Variants in FGD2 observed in about 807,000 individuals in gnomAD.
The protein encoded by FGD2 is FYVE, RhoGEF and PH domain-containing protein 2.
FGD2 carries 52 observed loss-of-function variants against 75.9 expected under a neutral mutation model. The ratio of observed to expected loss-of-function variants is 0.69; its 90% CI spans 0.55 to 0.86. FGD2 has a LOEUF of 0.86. Among genes scored for constraint, FGD2 ranks in the 40% least tolerant of loss-of-function variants. The pLI, the probability that FGD2 is intolerant of heterozygous loss-of-function variation, is 0.00. For synonymous variants in FGD2, 347 were observed against 348.6 expected (o/e 1.00, Z 0.05); for missense variants, 790 against 872.0 (o/e 0.91, Z 1.18).
chr6:37,016,152 G>A (rs189222560), intron 9 of FGD2, among the ~76,000 whole-genome samples: 48 of 152,278 alleles, frequency 3.2e-4, no homozygotes, highest in Admixed American at 3.0e-3. Flanking sequence ...ACTTTCATGT[G>A]TGCGCGAATC....
intron 2 of FGD2, 106 bp from the exon 3 acceptor site, chr6:37,010,867 C>A: frequency 9.2e-7 from 1 of 1,092,858 alleles, no homozygotes. Context: ...TCCCGGGAGG[C>A]ATGCTTCACT....
chr6:37,009,663 A>T (rs1764914805), intron 2 of FGD2: 1 of 152,178 alleles, frequency 6.6e-6, no homozygotes, highest in Admixed American at 6.6e-5. Context: ...TAAAATGGGG[A>T]TAGTGGTTAT....
At position 37,022,281 on chromosome 6, in the gene FGD2, C is replaced by T. The variant is rs780569281; in HGVS notation, c.1369C>T (p.Arg457Trp). The change falls in exon 13 of 16, where the codon CGG (arginine) becomes TGG (tryptophan). Residue 457 changes from arginine to tryptophan, a missense_variant. Transcript: ENST00000274963. Reference protein sequence around the residue: ...ELGLRAPQWVRDKMVTMCMRC... With the variant: ...ELGLRAPQWVWDKMVTMCMRC... The stretch of plus-strand genomic sequence containing the variant: ...GGGCCTCCGGGCACCGCAGTGGGTC[C>T]GGGACAAGATGGTGACCATGTGCAT... The T allele has an allele frequency of 8.8e-6, 14 of 1,590,894 alleles. No individual in the cohort carries two copies. The highest frequency in any genetic ancestry group is 3.4e-5 in the South Asian group (3 of 88,848).
intron 2 of FGD2, 77 bp downstream of exon 2, chr6:37,009,142 C>A: frequency 7.1e-7 from 1 of 1,399,848 alleles, no homozygotes. Flanking sequence ...CACATGCTTT[C>A]CTAGCCAGAG....
At position 37,013,622 on chromosome 6, in the gene FGD2, C is replaced by T. The variant is rs151050710; in HGVS notation, c.541C>T (p.Arg181Cys). 5.6e-6 allele frequency: 9 copies of T among 1,613,744 alleles called. No homozygotes were observed. The East Asian group carries it at 6.7e-5, about 12-fold the overall frequency. Residue 181 changes from arginine to cysteine, a missense_variant, in exon 5 of 16, where the codon CGC becomes TGC. Arg to Cys is a radical substitution (Grantham distance 180). Transcript: ENST00000274963. ...RRLDDWTANPRIGDVIQKLAP... is the reference protein window; with the variant it reads ...RRLDDWTANPCIGDVIQKLAP... The stretch of plus-strand genomic sequence containing the variant: ...CCCCTCCTGCAGGACAGCTAACCCC[C>T]GCATCGGTGACGTGATCCAGAAGCT...
rs752186227 is a variant in FGD2 at position 37,020,692 on chromosome 6, G to A, written c.1203-17G>A. On this transcript the variant is annotated splice_polypyrimidine_tract_variant and intron_variant, in intron 10 of 15. Coordinates refer to ENST00000274963, the MANE Select transcript of FGD2 (RefSeq NM_173558.4). ...AGGGGCTGATCTCCTCAACACCTGT[G>A]TTCACTTTCCGAGCAGGTCCCAGGA... 34 of 1,575,926 alleles carry A rather than the reference G, an allele frequency of 2.2e-5. No homozygotes were observed. Among genetic ancestry groups the A allele is most frequent in the Admixed American group, 3.7e-5 (2 of 54,480 alleles).
intron 2 of FGD2, among the ~76,000 whole-genome samples, chr6:37,010,253 G>C (rs1764943578): frequency 6.6e-6 from 1 of 152,120 alleles, no homozygotes; most frequent in Admixed American, 6.5e-5. Context: ...TTTCTGGGGA[G>C]GTCTCTGTTC....
chr6:37,028,615 C>CT lies in FGD2; in HGVS notation c.*469dup, dbSNP rs386406733. 8.9e-4 allele frequency: 70 copies of CT among 79,020 alleles called. 7 individuals carry two copies. The highest frequency in any genetic ancestry group is 1.4e-3 in the Non-Finnish European group (61 of 44,270). The allele number at this position is 79,020 out of a possible 1,614,324, so 4.9% of individuals were successfully genotyped here. A position where few individuals can be genotyped will look rare whatever the true frequency, so the allele number is the denominator to read the frequency against. On this transcript the variant is annotated 3_prime_UTR_variant, in exon 16 of 16. Coordinates refer to ENST00000274963, the MANE Select transcript of FGD2 (RefSeq NM_173558.4). ...GGCTGAGTTGGGGGAGGCATGGGGT[C>CT]TTTTTTTTTTTTTTTTTGAGACAGA...
rs751341493 is a variant in FGD2, at chr6:37,027,549, G to A, written c.1726G>A (p.Val576Met). Reference sequence around the variant, plus strand: ...TGTGATCCCTCGGGATGACCCCCTCGTGCTCTATGTCTATGCTGCCCCTCA... The same window carrying A: ...TGTGATCCCTCGGGATGACCCCCTCATGCTCTATGTCTATGCTGCCCCTCA... ...WCVIPRDDPL[V>M]LYVYAAPQDM... Residue 576 changes from valine (V) to methionine (M), a missense_variant, in exon 15 of 16, where the codon GTG (valine) becomes ATG (methionine). Val to Met is a conservative substitution (Grantham distance 21). Coordinates refer to ENST00000274963, the MANE Select transcript of FGD2 (RefSeq NM_173558.4). The A allele has an allele frequency of 5.0e-6, 8 of 1,613,958 alleles. No homozygotes were observed. In the Admixed American group the frequency reaches 5.0e-5, roughly 10 times the overall value.
At position 37,014,701 on chromosome 6, in the gene FGD2, G is replaced by C. The variant is rs147148066; in HGVS notation, c.879G>C (p.Glu293Asp). The change falls in exon 7 of 16, where the codon GAG becomes GAC. Residue 293 changes from glutamate (E) to aspartate (D), a missense_variant. Coordinates refer to ENST00000274963, the MANE Select transcript of FGD2 (RefSeq NM_173558.4). ...AGCACTCCAATGCAGCCATCACTGA[G>C]ATGGTAAGCAGCCCGCCCTCTCCTG... ...AAQHSNAAIT[E>D]MERLQDLWEV... 1.6e-3 allele frequency: 2,603 copies of C among 1,614,030 alleles called. 4 individuals carry two copies. The highest frequency in any genetic ancestry group is 2.1e-3 in the Non-Finnish European group (2,431 of 1,179,980).
At chr6:37,017,053 C>T (rs1255946580) in intron 9 of FGD2, among the ~76,000 whole-genome samples, 1 of 151,966 alleles carries the variant, frequency 6.6e-6, no homozygotes, top group Non-Finnish European at 1.5e-5. Context: ...GGATTGTTTC[C>T]TCATTTATGC....
chr6:37,013,506 A>T (rs1765123582), intron 4 of FGD2, 103 bp from the exon 5 acceptor site: 1 of 1,513,348 alleles, frequency 6.6e-7, no homozygotes, highest in African/African-American at 1.4e-5. Context: ...ATTGCCGTGG[A>T]AAGTTTGCTT....
intron 2 of FGD2, chr6:37,009,309 T>G: frequency 2.1e-6 from 1 of 470,490 alleles, no homozygotes; most frequent in East Asian, 3.8e-5. Context: ...GACAAGGAAG[T>G]TGAAACACAG....
At chr6:37,013,932 C>T (rs1765150093) in intron 5 of FGD2, 30 bp from the exon 6 acceptor site, 1 of 1,608,080 alleles carries the variant, frequency 6.2e-7, no homozygotes, top group South Asian at 1.1e-5. Context: ...CTCTCACCCT[C>T]TCCGTGTTGC....
At position 37,011,069 on chromosome 6, in the gene FGD2, C is replaced by T. The variant is rs746339169; in HGVS notation, c.378+19C>T. ...AGACCAGGCCAGTGACCAGGACACC[C>T]CCCTCTAGAGCCCCAGCCCTGGGTC... On this transcript the variant is annotated intron_variant, in intron 3 of 15. Transcript: ENST00000274963. 2 of 1,612,964 alleles carry T rather than the reference C, an allele frequency of 1.2e-6. No individual in the cohort carries two copies. Among genetic ancestry groups the T allele is most frequent in the Non-Finnish European group, 1.7e-6 (2 of 1,179,024 alleles).
At chr6:37,010,326 G>C (rs1265334116) in intron 2 of FGD2, among the ~76,000 whole-genome samples, 1 of 152,146 alleles carries the variant, frequency 6.6e-6, no homozygotes, top group Admixed American at 6.5e-5. Flanking sequence ...GTCATCCCTG[G>C]TGTGTCTTCC....
intron 14 of FGD2, among the ~76,000 whole-genome samples, chr6:37,026,822 A>G (rs1256977206): frequency 6.6e-6 from 1 of 151,664 alleles, no homozygotes; most frequent in Non-Finnish European, 1.5e-5. Context: ...CCACATGGTG[A>G]AGTCCCGTCT....
intron 13 of FGD2, 144 bp downstream of exon 13, chr6:37,022,514 C>A: frequency 8.6e-7 from 1 of 1,168,074 alleles, no homozygotes; most frequent in Non-Finnish European, 1.1e-6. Context: ...CCATCTGTGT[C>A]ACCTCCACCT....
At position 37,013,676 on chromosome 6, in the gene FGD2, T is replaced by C; in HGVS notation, c.595T>C (p.Tyr199His). Residue 199 changes from tyrosine to histidine, a missense_variant, in exon 5 of 16, where the codon TAT (tyrosine) becomes CAT (histidine). By Grantham distance (83) the Tyr-to-His change is moderately conservative. Coordinates refer to ENST00000274963, the MANE Select transcript of FGD2 (RefSeq NM_173558.4). Reference sequence around the variant, plus strand: ...CCCCTTCCTGAAGATGTACAGTGAGTATGTCAAGAACTTTGAGCGAGCGGC... The same window carrying C: ...CCCCTTCCTGAAGATGTACAGTGAGCATGTCAAGAACTTTGAGCGAGCGGC... ...LAPFLKMYSE[Y>H]VKNFERAAEL... The C allele has an allele frequency of 6.2e-7, 1 of 1,613,878 alleles. No homozygotes were observed. The highest frequency in any genetic ancestry group is 1.3e-5 in the African/African-American group (1 of 74,942).
Sources: allele counts gnomAD v4.1 joint callset (sites outside exome capture counted in the v4.1 genomes callset), GRCh38; gene constraint gnomAD v4.1.1; transcripts MANE v1.5; gene names NCBI Gene and HGNC (gene_info 2026-07-23, HGNC 2026-07-21).